CFAP69: variants seen among roughly 807,000 people sequenced by gnomAD.
CFAP69 encodes the protein cilia and flagella associated protein 69, also known as cilia- and flagella-associated protein 69.
Under a neutral mutation model 123.0 loss-of-function variants are expected in CFAP69, and 92 were observed. The observed-to-expected ratio is 0.75, with a 90% CI of 0.63 to 0.89. CFAP69 has a LOEUF of 0.89. Ranked by LOEUF, CFAP69 falls within the 40% of genes least tolerant of loss-of-function variation. The probability of loss-of-function intolerance (pLI) is 0.00; values close to 1 mark genes in which losing one functional copy is unlikely to be tolerated. For synonymous variants in CFAP69, 380 were observed against 364.3 expected, an observed-to-expected ratio of 1.04 and a Z score of -0.49; for missense variants, 1,067 against 1,096.9, an observed-to-expected ratio of 0.97 and a Z score of 0.39.
Position 90,307,798 on chromosome 7 carries a change from G to A in CFAP69, c.2494G>A (p.Ala832Thr), listed in dbSNP as rs1164027646. 2 of 1,611,532 alleles carry A rather than the reference G, an allele frequency of 1.2e-6. No individual in the cohort carries two copies. The highest frequency in any genetic ancestry group is 2.2e-5 in the East Asian group (1 of 44,778). Residue 832 changes from alanine to threonine, a missense_variant, in exon 21 of 23, where the codon GCT (alanine) becomes ACT (threonine). By Grantham distance (58) the Ala-to-Thr change is moderately conservative. Coordinates refer to ENST00000389297, the MANE Select transcript of CFAP69 (RefSeq NM_001039706.3). ...GGCCACGCACAAGCAAAGAGAGCTG[G>A]CTAATAAATCATGGGAAGATTTCTT... ...IQATHKQREL[A>T]NKSWEDFLAR...
At chr7:90,260,258 G>T (rs927365563) in intron 3 of CFAP69, among the ~76,000 whole-genome samples, 1 of 152,072 alleles carries the variant, frequency 6.6e-6, no homozygotes, top group African/African-American at 2.4e-5. Context: ...GTGCATTGTG[G>T]CTCATGCCTG....
At chr7:90,288,493 G>C in intron 15 of CFAP69, 141 bp downstream of exon 15, 1 of 961,540 alleles carries the variant, frequency 1.0e-6, no homozygotes, top group Non-Finnish European at 1.5e-6. Flanking sequence ...CACAAACATA[G>C]ATGGTATAGC....
At chr7:90,272,058 T>C in intron 8 of CFAP69, 100 bp downstream of exon 8, 1 of 1,122,824 alleles carries the variant, frequency 8.9e-7, no homozygotes, top group African/African-American at 1.6e-5. Flanking sequence ...AATTATGTTT[T>C]AGATTCATGT....
intron 3 of CFAP69, among the ~76,000 whole-genome samples, chr7:90,260,809 C>T (rs547306080): frequency 2.3e-4 from 35 of 151,966 alleles, no homozygotes; most frequent in African/African-American, 7.7e-4. Context: ...CATGTTAAAC[C>T]GTTGGTGGCA....
chr7:90,280,668 G>A (rs10266179), intron 12 of CFAP69, among the ~76,000 whole-genome samples: 76,434 of 152,062 alleles, frequency 0.5, 20,096 homozygotes, highest in Non-Finnish European at 0.59. Flanking sequence ...AATGACTCCA[G>A]TGTGGTCTAC....
intron 13 of CFAP69, 87 bp from the exon 14 acceptor site, chr7:90,286,194 C>G: frequency 8.6e-7 from 1 of 1,162,352 alleles, no homozygotes; most frequent in South Asian, 1.8e-5. Context: ...GCCAAATAAA[C>G]TTTTTAGAAG....
At chr7:90,272,888 G>T (rs1402430586) in intron 8 of CFAP69, among the ~76,000 whole-genome samples, 1 of 152,144 alleles carries the variant, frequency 6.6e-6, no homozygotes, top group Admixed American at 6.6e-5. Context: ...TTGGTCAAAT[G>T]CCTGTTCCAC....
chr7:90,286,221 A>G (rs202219820), intron 13 of CFAP69, 60 bp from the exon 14 acceptor site: 532 of 1,364,668 alleles, frequency 3.9e-4, no homozygotes, highest in Non-Finnish European at 4.9e-4. Context: ...CCAAACAGTA[A>G]TTGATCAAAA....
rs1222055326 is a variant in CFAP69 at position 90,297,626 on chromosome 7, G to C, written c.1776-123G>C. Reference sequence around the variant, plus strand: ...TCTATTTTTTTAGGTAAAAACATTAGCTACTTGATTTAAGAAAATGAAGAA... The same window carrying C: ...TCTATTTTTTTAGGTAAAAACATTACCTACTTGATTTAAGAAAATGAAGAA... On this transcript the variant is annotated intron_variant, in intron 15 of 22. Transcript: ENST00000389297. 4 of 580,478 alleles carry C rather than the reference G, an allele frequency of 6.9e-6. No homozygotes were observed. In the East Asian group the frequency reaches 1.0e-4, roughly 15 times the overall value. The allele number at this position is 580,478 out of a possible 1,614,324, so 36.0% of individuals were successfully genotyped here.
chr7:90,250,218 G>GAGAGAT (rs1796826894), intron 1 of CFAP69, among the ~76,000 whole-genome samples: 1 of 150,880 alleles, frequency 6.6e-6, no homozygotes, highest in African/African-American at 2.5e-5. Flanking sequence ...GAGAGAGAGA[G>GAGAGAT]AGAGAGAGAG....
At chr7:90,305,609 T>C (rs1281398329) in intron 19 of CFAP69, among the ~76,000 whole-genome samples, 4 of 151,762 alleles carry the variant, frequency 2.6e-5, no homozygotes, top group Non-Finnish European at 5.9e-5. Context: ...TCCTAGCACC[T>C]TGGGAGGCCG....
chr7:90,273,747 C>T (rs1489732405), intron 8 of CFAP69, among the ~76,000 whole-genome samples: 1 of 151,990 alleles, frequency 6.6e-6, no homozygotes, highest in Non-Finnish European at 1.5e-5. Context: ...TGAGGGTGCT[C>T]TTCTGGGTTG....
At chr7:90,289,040 T>A (rs1000094082) in intron 15 of CFAP69, among the ~76,000 whole-genome samples, 14 of 151,972 alleles carry the variant, frequency 9.2e-5, no homozygotes, top group Non-Finnish European at 1.6e-4. Context: ...TTTAAAAAAA[T>A]TACATTGTTT....
chr7:90,323,082 G>A, the CFAP69 span, among the ~76,000 whole-genome samples: 1 of 152,150 alleles, frequency 6.6e-6, no homozygotes, highest in Non-Finnish European at 1.5e-5. Flanking sequence ...ATATGCTTTT[G>A]ATGAGACTAT....
At chr7:90,274,967 T>C (rs1236476497) in intron 9 of CFAP69, among the ~76,000 whole-genome samples, 1 of 152,200 alleles carries the variant, frequency 6.6e-6, no homozygotes, top group Non-Finnish European at 1.5e-5. Flanking sequence ...TGTTTGACTT[T>C]TTGATATTGT....
intron 3 of CFAP69, among the ~76,000 whole-genome samples, chr7:90,259,424 A>C (rs1432654899): frequency 6.6e-6 from 1 of 152,112 alleles, no homozygotes; most frequent in Non-Finnish European, 1.5e-5. Context: ...CAAACAAACA[A>C]ACACTACCTT....
At chr7:90,312,511 T>C (rs1217798505), downstream of CFAP69, 3 of 152,222 alleles carry the variant, frequency 2.0e-5, no homozygotes, top group African/African-American at 7.2e-5. Context: ...CAGGGCAGAT[T>C]ATTATGTAGC....
intron 14 of CFAP69, chr7:90,287,729 A>G: frequency 1.0e-6 from 1 of 986,158 alleles, no homozygotes; most frequent in Non-Finnish European, 1.2e-6. Context: ...ACCAGAACTG[A>G]ACAGCAAGGC....
chr7:90,261,662 T>C (rs149118691), intron 3 of CFAP69, among the ~76,000 whole-genome samples: 1,533 of 152,336 alleles, frequency 0.01, 25 homozygotes, highest in African/African-American at 0.035. Context: ...GGGAAGTTAT[T>C]GATCAACTGA....
Sources: gnomAD v4.1 joint callset for allele counts (sites outside exome capture counted in the v4.1 genomes callset) on GRCh38, gnomAD v4.1.1 for gene constraint, MANE v1.5 for transcripts, NCBI Gene and HGNC (gene_info 2026-07-23, HGNC 2026-07-21) for gene names.